Variants in SPATA31G1 observed in about 807,000 individuals in gnomAD.
SPATA31G1 encodes spermatogenesis-associated protein 31G1.
chr9:35,045,340 G>A, the SPATA31G1 span: 2 of 1,614,148 alleles, frequency 1.2e-6, no homozygotes, highest in African/African-American at 2.7e-5. Context: ...CAAGGGCCAT[G>A]TGTACACATG....
chr9:35,043,615 A>G, the SPATA31G1 span: 2 of 1,614,208 alleles, frequency 1.2e-6, no homozygotes, highest in Non-Finnish European at 1.7e-6. Context: ...ACCACAGGAC[A>G]CAAAAAGATG....
At chr9:35,043,293 TGG>T in the SPATA31G1 span, 1 of 1,614,224 alleles carries the variant, frequency 6.2e-7, no homozygotes, top group Non-Finnish European at 8.5e-7. Context: ...TCCTCTGAAG[TGG>T]TCTGTTTGTT....
At chr9:35,044,133 G>A in the SPATA31G1 span, 4 of 1,614,004 alleles carry the variant, frequency 2.5e-6, no homozygotes, top group Non-Finnish European at 1.7e-6. Flanking sequence ...GGAGACCATG[G>A]GGCAGAAAGA....
At chr9:35,043,835 T>A in the SPATA31G1 span, 1 of 1,613,836 alleles carries the variant, frequency 6.2e-7, no homozygotes, top group Non-Finnish European at 8.5e-7. Flanking sequence ...AGAGAGAGAG[T>A]TCCCTGGAAG....
At chr9:35,042,461 C>A in the SPATA31G1 span, 1 of 1,614,204 alleles carries the variant, frequency 6.2e-7, no homozygotes, top group East Asian at 2.2e-5. Flanking sequence ...ATCCCTGGTG[C>A]TCTGGGAATA....
the SPATA31G1 span, chr9:35,044,539 T>C: frequency 1.2e-5 from 19 of 1,614,080 alleles, no homozygotes; most frequent in Non-Finnish European, 1.1e-5. Context: ...GAAAACTGTG[T>C]TCCTGTGTTC....
chr9:35,043,219 G>T, the SPATA31G1 span: 2 of 1,614,068 alleles, frequency 1.2e-6, no homozygotes, highest in African/African-American at 2.7e-5. Context: ...CAGCTCTTCT[G>T]GGGTCTCCCC....
chr9:35,043,196 G>A, the SPATA31G1 span: 1 of 1,614,228 alleles, frequency 6.2e-7, no homozygotes, highest in Non-Finnish European at 8.5e-7. Flanking sequence ...ACCGCCAGCA[G>A]CAGAGAAAAA....
chr9:35,045,742 C>G, the SPATA31G1 span: 1 of 1,614,254 alleles, frequency 6.2e-7, no homozygotes, highest in Non-Finnish European at 8.5e-7. Flanking sequence ...AAGCACTGTC[C>G]TTGGGCCCAC....
the SPATA31G1 span, chr9:35,041,175 A>C: frequency 2.2e-6 from 1 of 451,642 alleles, no homozygotes; most frequent in Non-Finnish European, 4.4e-6. Flanking sequence ...ACCTTCAAAT[A>C]AGGAAGAGGA....
At chr9:35,045,019 G>C in the SPATA31G1 span, 1 of 1,614,212 alleles carries the variant, frequency 6.2e-7, no homozygotes, top group Non-Finnish European at 8.5e-7. Flanking sequence ...CTGCGGCAGA[G>C]CCCTGCCTCC....
the SPATA31G1 span, chr9:35,042,715 G>C: frequency 8.4e-7 from 1 of 1,188,594 alleles, no homozygotes; most frequent in Non-Finnish European, 1.2e-6. Flanking sequence ...AACACTAGAT[G>C]AGGAGCTGTG....
At chr9:35,042,491 T>C in the SPATA31G1 span, 1 of 1,614,186 alleles carries the variant, frequency 6.2e-7, no homozygotes, top group Non-Finnish European at 8.5e-7. Flanking sequence ...GCAAGGTGGG[T>C]GACCTGTGAC....
the SPATA31G1 span, chr9:35,042,930 G>A: frequency 6.2e-7 from 1 of 1,614,158 alleles, no homozygotes; most frequent in East Asian, 2.2e-5. Flanking sequence ...AGTGGAGGAA[G>A]AAGGGGAAGA....
the SPATA31G1 span, chr9:35,043,804 T>C: frequency 2.5e-6 from 4 of 1,614,092 alleles, no homozygotes; most frequent in African/African-American, 1.3e-5. Context: ...TGCCCTCCCC[T>C]AGACTCCCTG....
chr9:35,045,538 G>C, the SPATA31G1 span: 1 of 1,614,166 alleles, frequency 6.2e-7, no homozygotes, highest in Non-Finnish European at 8.5e-7. Context: ...ACAGTCACAG[G>C]GAAGAACCAC....
the SPATA31G1 span, chr9:35,043,756 A>C: frequency 6.2e-7 from 1 of 1,614,216 alleles, no homozygotes; most frequent in Non-Finnish European, 8.5e-7. Flanking sequence ...GGATACAGAG[A>C]GAAACCTCAG....
At chr9:35,044,595 C>T in the SPATA31G1 span, 1 of 1,614,178 alleles carries the variant, frequency 6.2e-7, no homozygotes, top group Non-Finnish European at 8.5e-7. Flanking sequence ...TTCAAAGTCC[C>T]ACGTAAGTGA....
the SPATA31G1 span, chr9:35,044,785 G>GC: frequency 2.0e-4 from 315 of 1,614,174 alleles, no homozygotes; most frequent in Middle Eastern, 9.9e-4. Context: ...CAAGGCCCCA[G>GC]CCCTCTGGCA....
Sources: gnomAD v4.1 joint callset for allele counts on GRCh38, gnomAD v4.1.1 for gene constraint, MANE v1.5 for transcripts, NCBI Gene and HGNC (gene_info 2026-07-23, HGNC 2026-07-21) for gene names.